VPS13B: variants seen among roughly 807,000 people sequenced by gnomAD.
VPS13B encodes the protein intermembrane lipid transfer protein VPS13B.
In VPS13B, 285 loss-of-function variants were observed where a neutral mutation model predicts 426.4. That is an observed-to-expected ratio of 0.67 (90% CI 0.61 to 0.74). The LOEUF (loss-of-function observed/expected upper bound fraction) is 0.74, where lower values mean the gene tolerates loss of function less well. Among genes scored for constraint, VPS13B ranks in the 30% least tolerant of loss-of-function variants. VPS13B has a pLI of 0.00. For missense variants in VPS13B, 4,537 were observed against 4,782.6 expected (o/e 0.95, Z 1.51); for synonymous variants, 1,676 against 1,676.4 (o/e 1.00, Z 0.01).
intron 33 of VPS13B, among the ~76,000 whole-genome samples, chr8:99,639,431 C>G (rs1829211540): frequency 6.6e-6 from 1 of 152,034 alleles, no homozygotes; most frequent in Non-Finnish European, 1.5e-5. Context: ...ACAGTATAGA[C>G]TGCATAGTTT....
chr8:99,353,937 T>C (rs888572368), intron 19 of VPS13B, among the ~76,000 whole-genome samples: 1 of 152,176 alleles, frequency 6.6e-6, no homozygotes, highest in Non-Finnish European at 1.5e-5. Context: ...AGCTTTATGG[T>C]ATATAAATGT....
At chr8:99,332,764 AT>A (rs1266778071) in intron 19 of VPS13B, among the ~76,000 whole-genome samples, 1 of 151,690 alleles carries the variant, frequency 6.6e-6, no homozygotes, top group Non-Finnish European at 1.5e-5. Flanking sequence ...AATTCTAAAC[AT>A]TTTAAATATC....
chr8:99,459,544 T>C (rs1358576277), intron 23 of VPS13B, among the ~76,000 whole-genome samples: 1 of 152,176 alleles, frequency 6.6e-6, no homozygotes, highest in African/African-American at 2.4e-5. Flanking sequence ...GTATAACATA[T>C]TGCTCTTAGG....
intron 19 of VPS13B, among the ~76,000 whole-genome samples, chr8:99,278,720 C>T (rs1300820344): frequency 2.0e-5 from 3 of 152,186 alleles, no homozygotes; most frequent in Admixed American, 6.5e-5. Flanking sequence ...CCTAACGTAA[C>T]GGATCTCCTT....
intron 25 of VPS13B, among the ~76,000 whole-genome samples, chr8:99,497,182 A>G (rs1820952125): frequency 7.1e-6 from 1 of 140,636 alleles, no homozygotes; most frequent in Non-Finnish European, 1.5e-5. Context: ...TATATTTAAT[A>G]TATAAATACA....
At chr8:99,243,075 A>G (rs546555359) in intron 17 of VPS13B, among the ~76,000 whole-genome samples, 17 of 152,314 alleles carry the variant, frequency 1.1e-4, no homozygotes, top group Admixed American at 8.5e-4. Flanking sequence ...GGAAAGTTTG[A>G]TTTGGAATAA....
chr8:99,136,783 T>G, intron 12 of VPS13B, 31 bp downstream of exon 12: 1 of 1,604,396 alleles, frequency 6.2e-7, no homozygotes, highest in South Asian at 1.1e-5. Flanking sequence ...TGTGTGCCAT[T>G]TCTTGAACAA....
At chr8:99,830,135 A>AG (rs1814959456) in intron 51 of VPS13B, among the ~76,000 whole-genome samples, 1 of 152,204 alleles carries the variant, frequency 6.6e-6, no homozygotes, top group African/African-American at 2.4e-5. Context: ...CTGTGCTGGG[A>AG]GATCCACTGC....
chr8:99,180,852 AG>A (rs1368553354), intron 16 of VPS13B, among the ~76,000 whole-genome samples: 5 of 152,118 alleles, frequency 3.3e-5, no homozygotes, highest in Non-Finnish European at 5.9e-5. Flanking sequence ...TAGCCTTAAT[AG>A]TAGAGAAGTA....
At chr8:99,244,845 A>G in intron 17 of VPS13B, among the ~76,000 whole-genome samples, 1 of 152,226 alleles carries the variant, frequency 6.6e-6, no homozygotes, top group East Asian at 1.9e-4. Flanking sequence ...CTAAATGAGT[A>G]CCTCATGACT....
At chr8:99,589,731 T>C (rs1451597228) in intron 33 of VPS13B, among the ~76,000 whole-genome samples, 1 of 152,106 alleles carries the variant, frequency 6.6e-6, no homozygotes, top group Non-Finnish European at 1.5e-5. Context: ...AGTAATGGGA[T>C]GGCTGGGTCA....
intron 21 of VPS13B, among the ~76,000 whole-genome samples, chr8:99,429,276 A>G (rs1361857484): frequency 1.3e-5 from 2 of 149,964 alleles, no homozygotes; most frequent in Non-Finnish European, 3.0e-5. Flanking sequence ...AACTTAAAGT[A>G]TAATAACCAA....
intron 3 of VPS13B, among the ~76,000 whole-genome samples, chr8:99,083,126 CT>C (rs1312877645): frequency 6.6e-6 from 1 of 152,184 alleles, no homozygotes; most frequent in Non-Finnish European, 1.5e-5. Flanking sequence ...TTTGTATCCT[CT>C]TTTATTTCAC....
chr8:99,695,417 A>G (rs1413316695), intron 35 of VPS13B, among the ~76,000 whole-genome samples: 1 of 151,146 alleles, frequency 6.6e-6, no homozygotes, highest in African/African-American at 2.4e-5. Context: ...ATGAAACTGG[A>G]AAACATCATT....
chr8:99,626,818 C>G (rs987255167), intron 33 of VPS13B, among the ~76,000 whole-genome samples: 1 of 152,184 alleles, frequency 6.6e-6, no homozygotes, highest in African/African-American at 2.4e-5. Context: ...AAAGAAATAT[C>G]TGCACTCCCA....
At chr8:99,300,699 A>G (rs548467439) in intron 19 of VPS13B, among the ~76,000 whole-genome samples, 4 of 152,238 alleles carry the variant, frequency 2.6e-5, no homozygotes, top group African/African-American at 9.6e-5. Context: ...TTATCCATTC[A>G]AGAGAGATTG....
At chr8:99,865,140 A>G (rs1407265812) in intron 58 of VPS13B, among the ~76,000 whole-genome samples, 1 of 152,196 alleles carries the variant, frequency 6.6e-6, no homozygotes, top group African/African-American at 2.4e-5. Flanking sequence ...ACAGTTTTCC[A>G]AGAGCAACGG....
intron 33 of VPS13B, among the ~76,000 whole-genome samples, chr8:99,612,687 G>A (rs976701189): frequency 6.6e-6 from 1 of 151,862 alleles, no homozygotes; most frequent in Non-Finnish European, 1.5e-5. Context: ...CATTTGGAGT[G>A]GGAATACAGT....
At chr8:99,640,049 G>GAAGAAGAAGAAGAAGAAGAAGAAGA (rs1299280170) in intron 33 of VPS13B, among the ~76,000 whole-genome samples, 2 of 99,724 alleles carry the variant, frequency 2.0e-5, no homozygotes, top group African/African-American at 8.3e-5. Flanking sequence ...AGAAGAAGAA[G>GAAGAAGAAGAAGAAGAAGAAGAAGA]AGAAAAGAAA....
Sources: gnomAD v4.1 joint callset for allele counts (sites outside exome capture counted in the v4.1 genomes callset) on GRCh38, gnomAD v4.1.1 for gene constraint, MANE v1.5 for transcripts, NCBI Gene and HGNC (gene_info 2026-07-23, HGNC 2026-07-21) for gene names.